The following ACAA2 variants were observed in gnomAD, a reference collection of about 807,000 sequenced individuals.
ACAA2 encodes the protein 3-ketoacyl-CoA thiolase, mitochondrial.
Under a neutral mutation model 44.8 loss-of-function variants are expected in ACAA2, and 35 were observed. The ratio of observed to expected loss-of-function variants is 0.78; its 90% CI spans 0.60 to 1.04. The LOEUF (loss-of-function observed/expected upper bound fraction) is 1.04, where lower values mean the gene tolerates loss of function less well. ACAA2 is among the 50% of genes least tolerant of loss of function. ACAA2 has a pLI of 0.00. For missense variants in ACAA2, 468 were observed against 482.6 expected (o/e 0.97, Z 0.28); for synonymous variants, 142 against 166.5 (o/e 0.85, Z 1.13).
At chr18:49,797,920 G>C (rs914116145) in intron 2 of ACAA2, among the ~76,000 whole-genome samples, 5 of 151,938 alleles carry the variant, frequency 3.3e-5, no homozygotes, top group Non-Finnish European at 7.4e-5. Context: ...ACAGTCAATT[G>C]GTTTTCAAAT....
At chr18:49,797,407 C>T (rs2023477275) in intron 3 of ACAA2, 59 bp downstream of exon 3, 3 of 1,503,238 alleles carry the variant, frequency 2.0e-6, no homozygotes, top group Non-Finnish European at 2.7e-6. Context: ...TGCAGTGGGA[C>T]ATTTCTTCTA....
chr18:49,789,844 C>A (rs762144348), intron 7 of ACAA2, among the ~76,000 whole-genome samples: 2 of 151,958 alleles, frequency 1.3e-5, no homozygotes, highest in African/African-American at 4.8e-5. Context: ...ATTAGCCAGG[C>A]GTGGGGGCGG....
At chr18:49,812,050 C>T (rs1008039551) in intron 1 of ACAA2, among the ~76,000 whole-genome samples, 1 of 152,248 alleles carries the variant, frequency 6.6e-6, no homozygotes, top group East Asian at 1.9e-4. Flanking sequence ...CATGACAATG[C>T]ACCTTTTAAA....
At chr18:49,806,851 T>G (rs2023614859) in intron 1 of ACAA2, among the ~76,000 whole-genome samples, 1 of 151,790 alleles carries the variant, frequency 6.6e-6, no homozygotes, top group Non-Finnish European at 1.5e-5. Flanking sequence ...AAAAATTCCC[T>G]GGATGGGCTT....
intron 1 of ACAA2, among the ~76,000 whole-genome samples, chr18:49,808,259 C>T (rs1159478132): frequency 1.3e-5 from 2 of 152,164 alleles, no homozygotes; most frequent in African/African-American, 2.4e-5. Context: ...GGTGGGAATG[C>T]AAATGGTATG....
chr18:49,800,116 T>A (rs975569288), intron 2 of ACAA2, among the ~76,000 whole-genome samples: 12 of 142,904 alleles, frequency 8.4e-5, no homozygotes, highest in African/African-American at 3.1e-4. Context: ...AGCCGCCCCG[T>A]CCGGGAGGGA....
chr18:49,806,416 G>A (rs1407120819), intron 1 of ACAA2, among the ~76,000 whole-genome samples: 2 of 152,162 alleles, frequency 1.3e-5, no homozygotes, highest in Non-Finnish European at 2.9e-5. Flanking sequence ...ACTGAACTTA[G>A]ATTTAAGCTG....
intron 6 of ACAA2, among the ~76,000 whole-genome samples, 179 bp downstream of exon 6, chr18:49,791,969 TATAA>T (rs1238713746): frequency 6.6e-6 from 1 of 152,220 alleles, no homozygotes; most frequent in African/African-American, 2.4e-5. Flanking sequence ...AAGAGTATTA[TATAA>T]ATAAATATGA....
In ACAA2 at chr18:49,783,848, C is replaced by T. The variant is rs749234729; in HGVS notation, c.1193G>A (p.Ter398=). 3.6e-5 allele frequency: 58 copies of T among 1,612,660 alleles called. 1 individual carries two copies. The South Asian group carries it at 5.8e-4, about 16-fold the overall frequency. The change falls in exon 10 of 10, where the codon TGA becomes TAA. Residue 398 remains the stop codon, a stop_retained_variant. Transcript: ENST00000285093. The stretch of plus-strand genomic sequence containing the variant: ...GTCACAGTGAGCTCACTGGTCTCTT[C>T]AGGCTGTGCTCTGAATGATGACAGC... The part of the protein sequence containing the change: ...GIAVIIQSTA[*]
intron 8 of ACAA2, chr18:49,785,615 G>T: frequency 4.6e-6 from 2 of 430,516 alleles, no homozygotes; most frequent in Non-Finnish European, 4.1e-6. Context: ...GACACAGTGG[G>T]ATACTGTAGA....
intron 1 of ACAA2, 46 bp downstream of exon 1, chr18:49,813,423 G>A: frequency 8.1e-7 from 1 of 1,228,906 alleles, no homozygotes; most frequent in South Asian, 4.1e-5. Flanking sequence ...GCCTGGGGAG[G>A]GCAGGACCCC....
chr18:49,788,683 A>G (rs1026437149), intron 7 of ACAA2, among the ~76,000 whole-genome samples: 4 of 152,212 alleles, frequency 2.6e-5, no homozygotes, highest in Non-Finnish European at 4.4e-5. Flanking sequence ...AAAGGTGGAC[A>G]ATGTTCAGAC....
chr18:49,786,959 AT>A (rs2023337611), intron 8 of ACAA2, among the ~76,000 whole-genome samples: 1 of 152,122 alleles, frequency 6.6e-6, no homozygotes. Flanking sequence ...TTTTACATAT[AT>A]TTTTTCACTT....
rs1038350539 is a variant in ACAA2 at position 49,792,173 on chromosome 18, A to C, written c.732T>G (p.Thr244=). The change falls in exon 6 of 10, where the codon ACT becomes ACG. Residue 244 remains threonine, a synonymous_variant. Transcript: ENST00000285093. ...KLPPVFKKDG[T]VTAGNASGVA... The stretch of plus-strand genomic sequence containing the variant: ...CAACCGATGCATTCCCTGCAGTAAC[A>C]GTTCCATCTTTCTTGAATACTGGAG... 1.9e-6 allele frequency: 3 copies of C among 1,613,962 alleles called. No homozygotes were observed. Among genetic ancestry groups the C allele is most frequent in the East Asian group, 4.5e-5 (2 of 44,886 alleles).
In ACAA2 at chr18:49,806,945, G is replaced by GA. The variant is rs563444491; in HGVS notation, c.17-4093dup. Reference sequence around the variant, plus strand: ...AAATTAACCAATCTGAAGAACAGATGAAAAAAAAAAGATTAAAAAACAAAG... The same window carrying GA: ...AAATTAACCAATCTGAAGAACAGATGAAAAAAAAAAAGATTAAAAAACAAAG... On this transcript the variant is annotated intron_variant, in intron 1 of 9. Coordinates refer to ENST00000285093, the MANE Select transcript of ACAA2 (RefSeq NM_006111.3). 9.9e-3 allele frequency among the ~76,000 whole-genome samples: 1,457 copies of GA among 147,232 alleles called. 19 individuals carry two copies. The highest frequency in any genetic ancestry group is 0.024 in the African/African-American group (949 of 40,224).
chr18:49,803,239 A>AAAT (rs10639158), intron 1 of ACAA2, among the ~76,000 whole-genome samples: 19,707 of 142,244 alleles, frequency 0.14, 1,506 homozygotes, highest in African/African-American at 0.2. Context: ...CTGGTAGTTA[A>AAAT]AATAATAATA....
intron 2 of ACAA2, among the ~76,000 whole-genome samples, chr18:49,800,260 GA>G (rs2023528634): frequency 6.9e-6 from 1 of 145,574 alleles, no homozygotes; most frequent in Admixed American, 7.1e-5. Context: ...CCCCGTCCGG[GA>G]GGGAGGGAGG....
rs374389016 is a variant in ACAA2 at position 49,807,337 on chromosome 18, C to A, written c.17-4484G>T. 1.7e-3 allele frequency among the ~76,000 whole-genome samples: 264 copies of A among 152,272 alleles called. 4 individuals are homozygous for A. Among genetic ancestry groups the A allele is most frequent in the African/African-American group, 5.8e-3 (243 of 41,564 alleles). On this transcript the variant is annotated intron_variant, in intron 1 of 9. Transcript: ENST00000285093. Reference sequence around the variant, plus strand: ...TGGGCTACAATCAAGTCACTGCACTCCAGCCTGGGTGACAGAGTGAGATCT... The same window carrying A: ...TGGGCTACAATCAAGTCACTGCACTACAGCCTGGGTGACAGAGTGAGATCT...
At chr18:49,799,276 AC>A (rs1339117995) in intron 2 of ACAA2, among the ~76,000 whole-genome samples, 2 of 151,120 alleles carry the variant, frequency 1.3e-5, no homozygotes, top group Non-Finnish European at 2.9e-5. Context: ...CTGAAGCTGG[AC>A]TGTACTGCTG....
Sources: allele counts gnomAD v4.1 joint callset (sites outside exome capture counted in the v4.1 genomes callset), GRCh38; gene constraint gnomAD v4.1.1; transcripts MANE v1.5; gene names NCBI Gene and HGNC (gene_info 2026-07-23, HGNC 2026-07-21).